Variants in CFAP54 observed in about 807,000 individuals in gnomAD.
The protein encoded by CFAP54 is cilia- and flagella-associated protein 54.
In CFAP54, 290 loss-of-function variants were observed where a neutral mutation model predicts 370.4. The observed-to-expected ratio is 0.78, with a 90% CI of 0.71 to 0.86. The LOEUF (loss-of-function observed/expected upper bound fraction) is 0.86, where lower values mean the gene tolerates loss of function less well. Among genes scored for constraint, CFAP54 ranks in the 40% least tolerant of loss-of-function variants. CFAP54 has a pLI of 0.00. For synonymous variants in CFAP54, 1,206 were observed against 1,236.5 expected, an observed-to-expected ratio of 0.98 and a Z score of 0.52; for missense variants, 3,399 against 3,528.7, an observed-to-expected ratio of 0.96 and a Z score of 0.93.
intron 38 of CFAP54, among the ~76,000 whole-genome samples, chr12:96,660,421 C>G (rs1229962646): frequency 6.6e-6 from 1 of 152,114 alleles, no homozygotes; most frequent in African/African-American, 2.4e-5. Flanking sequence ...TTAATTCAAT[C>G]TATGTCTCTA....
At chr12:96,757,958 A>G (rs1461760193) in intron 58 of CFAP54, among the ~76,000 whole-genome samples, 1 of 152,206 alleles carries the variant, frequency 6.6e-6, no homozygotes, top group Non-Finnish European at 1.5e-5. Context: ...ATATTGGTTA[A>G]ACAGATGGAC....
chr12:96,601,934 GC>G (rs766779589), intron 26 of CFAP54, among the ~76,000 whole-genome samples: 1 of 151,996 alleles, frequency 6.6e-6, no homozygotes, highest in Non-Finnish European at 1.5e-5. Flanking sequence ...TTTTTTGAAG[GC>G]TTTTTTGTGT....
chr12:96,515,556 G>T (rs1052443197), intron 5 of CFAP54, among the ~76,000 whole-genome samples: 5 of 152,158 alleles, frequency 3.3e-5, no homozygotes, highest in Non-Finnish European at 7.3e-5. Context: ...CAAGTCTTTG[G>T]AGGTCCCACC....
At chr12:96,639,256 G>A (rs190772271) in intron 32 of CFAP54, among the ~76,000 whole-genome samples, 13 of 152,206 alleles carry the variant, frequency 8.5e-5, no homozygotes, top group African/African-American at 2.4e-4. Context: ...TATCACCACC[G>A]ATCCCACAGA....
At chr12:96,640,608 G>A (rs540624247) in intron 32 of CFAP54, among the ~76,000 whole-genome samples, 3 of 152,286 alleles carry the variant, frequency 2.0e-5, no homozygotes, top group South Asian at 4.1e-4. Flanking sequence ...AAAAGAGCCT[G>A]CATTGCCAAG....
At chr12:96,696,342 C>T (rs188606255) in intron 45 of CFAP54, among the ~76,000 whole-genome samples, 1 of 152,170 alleles carries the variant, frequency 6.6e-6, no homozygotes, top group East Asian at 1.9e-4. Flanking sequence ...GAAGAGATTG[C>T]AATATCTGAA....
At chr12:96,618,479 A>C (rs1316509217) in intron 26 of CFAP54, among the ~76,000 whole-genome samples, 1 of 152,182 alleles carries the variant, frequency 6.6e-6, no homozygotes, top group East Asian at 1.9e-4. Flanking sequence ...TTGTAGTTAC[A>C]GACGTGTGAT....
At chr12:96,695,197 A>G (rs1957430208) in intron 45 of CFAP54, among the ~76,000 whole-genome samples, 1 of 152,202 alleles carries the variant, frequency 6.6e-6, no homozygotes. Context: ...TGCAAATTGG[A>G]GTGAGTGGGC....
chr12:96,755,887 C>T (rs372146457), intron 56 of CFAP54, among the ~76,000 whole-genome samples: 2 of 152,008 alleles, frequency 1.3e-5, no homozygotes, highest in East Asian at 1.9e-4. Context: ...AGGCTGGTCT[C>T]GAACTCCTGA....
chr12:96,777,474 T>C (rs1442962179), intron 60 of CFAP54, among the ~76,000 whole-genome samples: 5 of 151,874 alleles, frequency 3.3e-5, no homozygotes, highest in Non-Finnish European at 7.4e-5. Context: ...CTCAGCCTCC[T>C]GAGTAGCTGG....
At chr12:96,761,686 C>T (rs1229383193) in intron 58 of CFAP54, among the ~76,000 whole-genome samples, 3 of 152,074 alleles carry the variant, frequency 2.0e-5, no homozygotes, top group Non-Finnish European at 4.4e-5. Flanking sequence ...ATTCTAAATT[C>T]TAAATTCATC....
chr12:96,786,747 T>C lies in CFAP54; in HGVS notation c.8528T>C (p.Leu2843Ser). ...CTCACATCCCTTTACAACTCTGAGT[T>C]GATTTTGCGCCAGAAAGAAGTGCAT... Reference protein sequence around the residue: ...TLLTSLYNSELILRQKEVHFF... With the variant: ...TLLTSLYNSESILRQKEVHFF... Residue 2843 changes from leucine (L) to serine (S), a missense_variant, in exon 62 of 68, where the codon TTG becomes TCG. Physicochemically the swap from Leu to Ser is moderately radical, Grantham distance 145. Around this residue, in one of 3 missense-constraint regions of CFAP54, gnomAD observed 2,796 missense variants for 2,869.7 expected, o/e 0.97. Transcript: ENST00000524981. 6.5e-7 allele frequency: 1 copy of C among 1,536,026 alleles called. No individual in the cohort carries two copies. The highest frequency in any genetic ancestry group is 2.4e-5 in the East Asian group (1 of 40,902).
intron 67 of CFAP54, among the ~76,000 whole-genome samples, chr12:96,863,700 A>G (rs1959935068): frequency 6.6e-6 from 1 of 152,200 alleles, no homozygotes; most frequent in South Asian, 2.1e-4. Flanking sequence ...CCAATAATCC[A>G]TGGAAGGGGG....
intron 1 of CFAP54, among the ~76,000 whole-genome samples, chr12:96,498,608 G>A (rs953477504): frequency 6.6e-6 from 1 of 152,128 alleles, no homozygotes; most frequent in South Asian, 2.1e-4. Flanking sequence ...AGCTGAGATG[G>A]CACCACTGCA....
chr12:96,826,499 A>G (rs1959105302), intron 65 of CFAP54, among the ~76,000 whole-genome samples: 1 of 108,208 alleles, frequency 9.2e-6, no homozygotes, highest in South Asian at 2.7e-4. Context: ...TATATAATAT[A>G]TATCATGATA....
intron 19 of CFAP54, among the ~76,000 whole-genome samples, chr12:96,575,529 A>G (rs1955965838): frequency 6.6e-6 from 1 of 152,086 alleles, no homozygotes; most frequent in Admixed American, 6.6e-5. Flanking sequence ...AAGAAAGAGG[A>G]GGAGGAGTAG....
At chr12:96,577,713 T>G (rs980999142) in intron 20 of CFAP54, among the ~76,000 whole-genome samples, 4 of 152,124 alleles carry the variant, frequency 2.6e-5, no homozygotes, top group Non-Finnish European at 5.9e-5. Flanking sequence ...CTTGGCATAT[T>G]AGCTGATATC....
rs11314576 is a variant in CFAP54, at chr12:96,629,472, A to AT, written c.4104-607dup. ...AGGCGCCTGCCACCACGCCCAACTAATTTTTTTTTTTTTTGTATTTTTAGT... is the reference window on the plus strand; with the variant it reads ...AGGCGCCTGCCACCACGCCCAACTAATTTTTTTTTTTTTTTGTATTTTTAGT... On this transcript the variant is annotated intron_variant, in intron 30 of 67. Transcript: ENST00000524981. Among the ~76,000 whole-genome samples, 1,059 of 142,376 alleles carry AT rather than the reference A, an allele frequency of 7.4e-3. 11 individuals are homozygous for AT. The highest frequency in any genetic ancestry group is 0.024 in the African/African-American group (926 of 38,542). 93.4% of individuals were successfully genotyped at this position (142,376 alleles called of 152,430 possible).
chr12:96,563,106 GT>G (rs886400480), intron 17 of CFAP54, among the ~76,000 whole-genome samples: 15 of 151,568 alleles, frequency 9.9e-5, no homozygotes, highest in East Asian at 3.9e-4. Context: ...GAGGATTAGA[GT>G]TTTTTTTTAA....
Sources: allele counts gnomAD v4.1 joint callset (sites outside exome capture counted in the v4.1 genomes callset), GRCh38; gene constraint gnomAD v4.1.1; regional missense constraint gnomAD v4.1.1; transcripts MANE v1.5; gene names NCBI Gene and HGNC (gene_info 2026-07-23, HGNC 2026-07-21).